CNTNAP4: variants seen among roughly 807,000 people sequenced by gnomAD.
CNTNAP4 encodes the protein contactin-associated protein-like 4.
Under a neutral mutation model 148.4 loss-of-function variants are expected in CNTNAP4, and 98 were observed. The ratio of observed to expected loss-of-function variants is 0.66; its 90% CI spans 0.56 to 0.78. CNTNAP4 has a LOEUF of 0.78. Ranked by LOEUF, CNTNAP4 falls within the 30% of genes least tolerant of loss-of-function variation. The pLI, the probability that CNTNAP4 is intolerant of heterozygous loss-of-function variation, is 0.00. For missense variants in CNTNAP4, 1,935 were observed against 1,565.6 expected (o/e 1.24, Z -3.98); for synonymous variants, 730 against 565.1 (o/e 1.29, Z -4.14).
chr16:76,299,690 G>A (rs192257839), intron 1 of CNTNAP4, among the ~76,000 whole-genome samples: 1 of 152,118 alleles, frequency 6.6e-6, no homozygotes, highest in South Asian at 2.1e-4. Flanking sequence ...AAAGACACAC[G>A]CACAGGTATG....
In CNTNAP4 at chr16:76,524,436, G is replaced by A. The variant is rs2083623948; in HGVS notation, c.2755+2179G>A. Among the ~76,000 whole-genome samples the A allele has an allele frequency of 6.6e-5, 10 of 152,252 alleles. 1 individual carries two copies. The South Asian group carries it at 2.1e-3, about 32-fold the overall frequency. ...TAGCCTTACTATTCTTGGAAATTGA[G>A]AGGCTGAAATAGTCCTCAAATTTTT... On this transcript the variant is annotated intron_variant, in intron 17 of 23. Coordinates refer to ENST00000611870, the MANE Select transcript of CNTNAP4 (RefSeq NM_033401.5).
chr16:76,391,938 A>G (rs1347715945), intron 3 of CNTNAP4, among the ~76,000 whole-genome samples: 3 of 152,216 alleles, frequency 2.0e-5, no homozygotes, highest in African/African-American at 2.4e-5. Context: ...TTCAGTGTCA[A>G]TAAATAATAC....
At chr16:76,526,373 C>G (rs551584206) in intron 17 of CNTNAP4, among the ~76,000 whole-genome samples, 3 of 152,214 alleles carry the variant, frequency 2.0e-5, no homozygotes, top group East Asian at 1.9e-4. Flanking sequence ...ATGGCGAGGA[C>G]TATGGATTTT....
intron 1 of CNTNAP4, among the ~76,000 whole-genome samples, chr16:76,288,992 C>G (rs1362938832): frequency 1.3e-5 from 2 of 152,008 alleles, no homozygotes; most frequent in Non-Finnish European, 2.9e-5. Context: ...TGTCATAATC[C>G]ATTATGGTAC....
intron 2 of CNTNAP4, among the ~76,000 whole-genome samples, chr16:76,318,457 C>A (rs998336065): frequency 6.6e-6 from 1 of 152,104 alleles, no homozygotes; most frequent in Admixed American, 6.5e-5. Context: ...CAATATCAAA[C>A]TTCATGAATC....
chr16:76,529,889 C>T (rs1366916241), intron 17 of CNTNAP4, among the ~76,000 whole-genome samples: 1 of 148,728 alleles, frequency 6.7e-6, no homozygotes, highest in African/African-American at 2.5e-5. Flanking sequence ...GTGTGTATTT[C>T]TGTGATTTCA....
At chr16:76,310,045 T>G in intron 1 of CNTNAP4, 1 of 596,242 alleles carries the variant, frequency 1.7e-6, no homozygotes, top group South Asian at 2.0e-5. Flanking sequence ...GACAGAAGTC[T>G]GGCTTCCTGG....
chr16:76,426,318 T>C (rs2079400673), intron 3 of CNTNAP4, among the ~76,000 whole-genome samples: 2 of 152,200 alleles, frequency 1.3e-5, no homozygotes, highest in South Asian at 4.1e-4. Context: ...GTTTCTAATG[T>C]ATTTATCTTT....
At chr16:76,525,083 G>T (rs73621211) in intron 17 of CNTNAP4, among the ~76,000 whole-genome samples, 1 of 152,038 alleles carries the variant, frequency 6.6e-6, no homozygotes, top group Non-Finnish European at 1.5e-5. Context: ...AGTCTGTTAG[G>T]AAAGGGCTTC....
chr16:76,485,177 G>T (rs990441822), intron 12 of CNTNAP4, among the ~76,000 whole-genome samples: 1 of 152,146 alleles, frequency 6.6e-6, no homozygotes, highest in African/African-American at 2.4e-5. Context: ...GAGTGCAATG[G>T]CACGATCTCG....
intron 3 of CNTNAP4, among the ~76,000 whole-genome samples, chr16:76,403,889 C>G (rs925369811): frequency 1.6e-4 from 25 of 152,134 alleles, no homozygotes; most frequent in African/African-American, 5.8e-4. Flanking sequence ...GAGATCATGT[C>G]TTTTATGGGA....
Position 76,462,201 on chromosome 16 carries a change from T to C in CNTNAP4, c.1483+96T>C. 2 of 1,038,138 alleles carry C rather than the reference T, an allele frequency of 1.9e-6. 1 individual carries two copies. The highest frequency in any genetic ancestry group is 3.5e-5 in the South Asian group (2 of 57,722). 64.3% of individuals were successfully genotyped at this position (1,038,138 alleles called of 1,614,324 possible). A position where few individuals can be genotyped will look rare whatever the true frequency, so the allele number is the denominator to read the frequency against. ...GTCATCATGTTTTAACTAATATGAA[T>C]ACTAAGGAATAATTTTTCACTGTCT... On this transcript the variant is annotated intron_variant, in intron 9 of 23. Transcript: ENST00000611870.
chr16:76,413,481 A>T (rs12930527), intron 3 of CNTNAP4, among the ~76,000 whole-genome samples: 113,409 of 150,740 alleles, frequency 0.75, 43,938 homozygotes, highest in Non-Finnish European at 0.86. Flanking sequence ...GGATTCTCTG[A>T]TCTGTTCCAG....
At chr16:76,325,546 C>T (rs1253508155) in intron 2 of CNTNAP4, among the ~76,000 whole-genome samples, 1 of 151,860 alleles carries the variant, frequency 6.6e-6, no homozygotes, top group South Asian at 2.1e-4. Context: ...TACATTCCTC[C>T]AAAAGAAATC....
At chr16:76,287,127 CA>C (rs2143793117) in intron 1 of CNTNAP4, among the ~76,000 whole-genome samples, 1 of 152,180 alleles carries the variant, frequency 6.6e-6, no homozygotes, top group South Asian at 2.1e-4. Flanking sequence ...AACAAATATA[CA>C]AAAAATAGCA....
intron 2 of CNTNAP4, among the ~76,000 whole-genome samples, chr16:76,342,259 G>A (rs1964525201): frequency 6.6e-6 from 1 of 152,038 alleles, no homozygotes; most frequent in African/African-American, 2.4e-5. Flanking sequence ...ATCCAGGCTT[G>A]CATTTAATTT....
Position 76,535,804 on chromosome 16 carries a change from CTG to C in CNTNAP4, c.2995+22_2995+23del. ...CAAATGGTAAGTGTGGCATGGAAGA[CTG>C]TAAGAGGAAAATTTATTCAATGTGG... On this transcript the variant is annotated intron_variant, in intron 18 of 23. Transcript: ENST00000611870. 1.9e-6 allele frequency: 3 copies of C among 1,598,190 alleles called. No individual in the cohort carries two copies. The highest frequency in any genetic ancestry group is 1.7e-6 in the Non-Finnish European group (2 of 1,168,686).
chr16:76,278,461 A>C (rs1958565901), intron 1 of CNTNAP4, among the ~76,000 whole-genome samples: 1 of 152,246 alleles, frequency 6.6e-6, no homozygotes, highest in Non-Finnish European at 1.5e-5. Context: ...TTCTGATGAA[A>C]TAGAACCTAT....
intron 15 of CNTNAP4, 61 bp from the exon 16 acceptor site, chr16:76,521,079 T>C (rs1000450822): frequency 2.6e-5 from 37 of 1,435,826 alleles, no homozygotes; most frequent in Admixed American, 8.9e-5. Context: ...TGTCATTCAT[T>C]TTATTTCATG....
Sources: allele counts gnomAD v4.1 joint callset (sites outside exome capture counted in the v4.1 genomes callset), GRCh38; gene constraint gnomAD v4.1.1; transcripts MANE v1.5; gene names NCBI Gene and HGNC (gene_info 2026-07-23, HGNC 2026-07-21).